ARHGAP44: variants seen among roughly 807,000 people sequenced by gnomAD.
The protein encoded by ARHGAP44 is rho GTPase-activating protein 44.
ARHGAP44 carries 43 observed loss-of-function variants against 106.8 expected under a neutral mutation model. That is an observed-to-expected ratio of 0.40 (90% CI 0.32 to 0.52). The LOEUF is 0.52. ARHGAP44 is among the 20% of genes least tolerant of loss of function. ARHGAP44 has a pLI of 0.48. For missense variants in ARHGAP44, 866 were observed against 1,050.5 expected, an observed-to-expected ratio of 0.82 and a Z score of 2.43; for synonymous variants, 439 against 410.3, an observed-to-expected ratio of 1.07 and a Z score of -0.85.
chr17:12,903,615 A>G (rs935041837), intron 3 of ARHGAP44, among the ~76,000 whole-genome samples: 3 of 152,094 alleles, frequency 2.0e-5, no homozygotes, highest in African/African-American at 7.2e-5. Flanking sequence ...ATTTATTTCA[A>G]TAGGTTTTTG....
At chr17:12,983,264 T>TTAA in intron 19 of ARHGAP44, among the ~76,000 whole-genome samples, 1 of 95,824 alleles carries the variant, frequency 1.0e-5, no homozygotes, top group South Asian at 4.3e-4. Flanking sequence ...GACTCCATCT[T>TTAA]AAAAAAAAAA....
At chr17:12,974,638 G>A (rs187906400) in intron 18 of ARHGAP44, among the ~76,000 whole-genome samples, 4 of 152,158 alleles carry the variant, frequency 2.6e-5, no homozygotes, top group Admixed American at 2.6e-4. Context: ...CCCCATATCC[G>A]TGGGAGATAC....
chr17:12,800,065 A>G (rs915585678), intron 1 of ARHGAP44, among the ~76,000 whole-genome samples: 7 of 152,248 alleles, frequency 4.6e-5, no homozygotes, highest in Non-Finnish European at 8.8e-5. Context: ...GATAGTAAAT[A>G]TCATATCCTT....
intron 7 of ARHGAP44, chr17:12,929,275 C>G (rs374772799): frequency 4.8e-6 from 2 of 413,592 alleles, no homozygotes; most frequent in South Asian, 3.1e-5. Context: ...ATTGGTGGTC[C>G]TGCATGCTAG....
At chr17:12,868,823 A>G (rs1003503430) in intron 1 of ARHGAP44, among the ~76,000 whole-genome samples, 8 of 150,808 alleles carry the variant, frequency 5.3e-5, no homozygotes, top group African/African-American at 1.9e-4. Context: ...ACGCCTGGCT[A>G]GTTTTTGTAT....
intron 3 of ARHGAP44, among the ~76,000 whole-genome samples, chr17:12,902,918 T>C (rs2037415798): frequency 6.6e-6 from 1 of 152,156 alleles, no homozygotes; most frequent in Non-Finnish European, 1.5e-5. Context: ...CCTGATGCTG[T>C]TAGCAGTGGC....
intron 1 of ARHGAP44, among the ~76,000 whole-genome samples, chr17:12,869,562 G>A (rs950937356): frequency 2.0e-5 from 3 of 151,820 alleles, no homozygotes; most frequent in African/African-American, 4.8e-5. Context: ...CATTGCCACC[G>A]CCCATCTCCA....
intron 1 of ARHGAP44, among the ~76,000 whole-genome samples, chr17:12,834,887 C>T (rs918632270): frequency 6.6e-6 from 1 of 151,996 alleles, no homozygotes; most frequent in Non-Finnish European, 1.5e-5. Flanking sequence ...TTGTTTTATC[C>T]TATAATTATA....
intron 6 of ARHGAP44, among the ~76,000 whole-genome samples, chr17:12,925,325 A>G (rs1479576107): frequency 1.3e-5 from 2 of 152,164 alleles, no homozygotes; most frequent in Admixed American, 1.3e-4. Flanking sequence ...TGGGCCACTC[A>G]CTGCCTGGGT....
At chr17:12,916,074 A>G (rs2037903218) in intron 5 of ARHGAP44, 63 bp downstream of exon 5, 2 of 1,323,412 alleles carry the variant, frequency 1.5e-6, no homozygotes, top group South Asian at 1.2e-5. Flanking sequence ...GAGCCCCTCA[A>G]TCATTCTGTT....
intron 4 of ARHGAP44, among the ~76,000 whole-genome samples, chr17:12,911,373 C>T (rs2037734206): frequency 6.6e-6 from 1 of 151,694 alleles, no homozygotes; most frequent in Admixed American, 6.6e-5. Context: ...CAGGAAAAAG[C>T]AGACAACAGC....
intron 1 of ARHGAP44, among the ~76,000 whole-genome samples, chr17:12,837,974 C>T (rs7220551): frequency 0.18 from 26,759 of 152,028 alleles, 2,913 homozygotes; most frequent in African/African-American, 0.3. Flanking sequence ...TGGACCCCTC[C>T]GCTTTCCCAT....
intron 4 of ARHGAP44, among the ~76,000 whole-genome samples, chr17:12,911,673 C>T (rs1272602515): frequency 6.6e-6 from 1 of 152,146 alleles, no homozygotes; most frequent in Admixed American, 6.5e-5. Flanking sequence ...CCCCCGACTC[C>T]CGCCTGAGCA....
chr17:12,986,892 G>T lies in ARHGAP44; in HGVS notation c.2317+1984G>T, dbSNP rs188489853. 1.7e-3 allele frequency: 973 copies of T among 567,264 alleles called. 4 individuals are homozygous for T. The highest frequency in any genetic ancestry group is 0.016 in the African/African-American group (840 of 53,330). 35.1% of individuals were successfully genotyped at this position (567,264 alleles called of 1,614,324 possible). ...CAGGATTCATAATGTCCCTCGCCCT[G>T]TGCGGACCCTATTTTAATGTCCTTT... is the stretch of plus-strand genomic sequence containing the variant. On this transcript the variant is annotated intron_variant, in intron 20 of 20. Coordinates refer to ENST00000379672, the MANE Select transcript of ARHGAP44 (RefSeq NM_014859.6).
chr17:12,919,892 G>T, intron 6 of ARHGAP44, 61 bp downstream of exon 6: 2 of 1,471,054 alleles, frequency 1.4e-6, no homozygotes, highest in Non-Finnish European at 9.3e-7. Flanking sequence ...ATTTTGGGCG[G>T]GTGGGTTTTA....
At chr17:12,850,165 C>A (rs1331324664) in intron 1 of ARHGAP44, among the ~76,000 whole-genome samples, 1 of 152,138 alleles carries the variant, frequency 6.6e-6, no homozygotes, top group Non-Finnish European at 1.5e-5. Flanking sequence ...AGAACATTTT[C>A]CAACCAGCTC....
chr17:12,978,393 A>G (rs1386559273), intron 18 of ARHGAP44, among the ~76,000 whole-genome samples: 1 of 152,204 alleles, frequency 6.6e-6, no homozygotes, highest in Non-Finnish European at 1.5e-5. Flanking sequence ...CTCTGAATAA[A>G]ATGGTTTTTG....
intron 16 of ARHGAP44, among the ~76,000 whole-genome samples, chr17:12,960,807 T>C (rs1027984709): frequency 2.6e-5 from 4 of 151,964 alleles, no homozygotes; most frequent in African/African-American, 9.7e-5. Flanking sequence ...TAAGTGTTCC[T>C]CCCGCCTTGG....
intron 7 of ARHGAP44, among the ~76,000 whole-genome samples, chr17:12,934,948 T>TA (rs1260283741): frequency 6.6e-6 from 1 of 152,150 alleles, no homozygotes; most frequent in Non-Finnish European, 1.5e-5. Context: ...ACAAAGATGT[T>TA]CTTTGGTCTG....
Sources: allele counts gnomAD v4.1 joint callset (sites outside exome capture counted in the v4.1 genomes callset), GRCh38; gene constraint gnomAD v4.1.1; transcripts MANE v1.5; gene names NCBI Gene and HGNC (gene_info 2026-07-23, HGNC 2026-07-21).